The following GABRG3 variants were observed in gnomAD, a reference collection of about 807,000 sequenced individuals.
The protein encoded by GABRG3 is gamma-aminobutyric acid type A receptor subunit gamma3.
In GABRG3, 25 loss-of-function variants were observed where a neutral mutation model predicts 48.8. The ratio of observed to expected loss-of-function variants is 0.51; its 90% CI spans 0.37 to 0.72. The LOEUF (loss-of-function observed/expected upper bound fraction) is 0.72. Ranked by LOEUF, GABRG3 falls within the 30% of genes least tolerant of loss-of-function variation. The probability of loss-of-function intolerance (pLI) is 0.00; values close to 1 mark genes in which losing one functional copy is unlikely to be tolerated. For missense variants in GABRG3, 394 were observed against 577.9 expected (o/e 0.68, Z 3.26); for synonymous variants, 227 against 217.6 (o/e 1.04, Z -0.38).
chr15:27,467,684 C>T (rs2150838724), intron 5 of GABRG3, among the ~76,000 whole-genome samples: 1 of 152,290 alleles, frequency 6.6e-6, no homozygotes, highest in African/African-American at 2.4e-5. Flanking sequence ...GCAATGAAAC[C>T]TCATGTGCCA....
At chr15:27,173,324 T>A (rs58546196) in intron 3 of GABRG3, among the ~76,000 whole-genome samples, 11,028 of 152,216 alleles carry the variant, frequency 0.072, 806 homozygotes, top group African/African-American at 0.18. Flanking sequence ...AAAGAACTAT[T>A]GCATCCTAAC....
At chr15:27,291,892 G>A (rs1295992204) in intron 3 of GABRG3, among the ~76,000 whole-genome samples, 3 of 152,106 alleles carry the variant, frequency 2.0e-5, no homozygotes, top group African/African-American at 7.2e-5. Context: ...AGAGAGAAAG[G>A]GTATGGCGGT....
At chr15:27,306,037 A>G (rs1892404435) in intron 3 of GABRG3, among the ~76,000 whole-genome samples, 1 of 91,226 alleles carries the variant, frequency 1.1e-5, no homozygotes, top group African/African-American at 4.5e-5. Flanking sequence ...GTTTATATAT[A>G]AACATATATA....
chr15:27,277,878 A>G (rs1320238855), intron 3 of GABRG3, among the ~76,000 whole-genome samples: 2 of 152,316 alleles, frequency 1.3e-5, no homozygotes, highest in East Asian at 1.9e-4. Flanking sequence ...TTGAAAAAAT[A>G]GTACTGAAAG....
intron 5 of GABRG3, among the ~76,000 whole-genome samples, chr15:27,392,712 A>C (rs549044676): frequency 6.6e-6 from 1 of 152,322 alleles, no homozygotes; most frequent in Admixed American, 6.5e-5. Context: ...GAATTCTGAA[A>C]GGTAAATTTG....
chr15:27,467,350 G>GA (rs1172814229), intron 5 of GABRG3, among the ~76,000 whole-genome samples: 1 of 152,168 alleles, frequency 6.6e-6, no homozygotes, highest in Non-Finnish European at 1.5e-5. Context: ...TTGTGGGGGG[G>GA]ACACAGATGT....
intron 2 of GABRG3, among the ~76,000 whole-genome samples, chr15:27,025,004 G>C (rs1198395052): frequency 1.8e-5 from 2 of 112,738 alleles, no homozygotes; most frequent in East Asian, 5.5e-4. Context: ...CACCATGGGA[G>C]ACAAAGCAAG....
intron 3 of GABRG3, among the ~76,000 whole-genome samples, chr15:27,049,260 T>C (rs184760541): frequency 6.6e-6 from 1 of 152,366 alleles, no homozygotes; most frequent in Admixed American, 6.5e-5. Flanking sequence ...TGCTGATGTG[T>C]CTTTGCCTTC....
chr15:27,374,135 CTTCTT>C (rs1895506898), intron 5 of GABRG3, among the ~76,000 whole-genome samples: 1 of 116,720 alleles, frequency 8.6e-6, no homozygotes, highest in African/African-American at 3.4e-5. Context: ...CTTTTCTTTT[CTTCTT>C]TTTTTTTTTT....
rs756356210 is a variant in GABRG3 at position 27,179,932 on chromosome 15, G to T, written c.271-146877G>T. Among the ~76,000 whole-genome samples the T allele has an allele frequency of 6.6e-6, 1 of 152,126 alleles. No homozygotes were observed. Among genetic ancestry groups the T allele is most frequent in the Non-Finnish European group, 1.5e-5 (1 of 68,018 alleles). On this transcript the variant is annotated intron_variant, in intron 3 of 9. Transcript: ENST00000615808. The surrounding 1 kb of genome is among the most constrained non-coding windows in gnomAD (Gnocchi z 4.0). ...TTGTTCTCTTGATTCACAGTTCATC[G>T]CCTCCTAGATGAGGCTGGGCGTGGC...
intron 2 of GABRG3, among the ~76,000 whole-genome samples, chr15:27,017,106 G>C (rs1895793003): frequency 6.6e-6 from 1 of 151,742 alleles, no homozygotes; most frequent in Admixed American, 6.6e-5. Flanking sequence ...ATGCCTTTAG[G>C]GTTAGTTTCA....
intron 5 of GABRG3, among the ~76,000 whole-genome samples, chr15:27,383,860 G>C (rs1011085170): frequency 3.3e-5 from 5 of 152,148 alleles, no homozygotes; most frequent in Non-Finnish European, 4.4e-5. Context: ...ATAAAACAAA[G>C]TGTATGATAA....
At chr15:27,201,353 CGT>C (rs376315853) in intron 3 of GABRG3, among the ~76,000 whole-genome samples, 5 of 144,152 alleles carry the variant, frequency 3.5e-5, no homozygotes, top group Non-Finnish European at 6.1e-5. Context: ...GTGAGGGGTG[CGT>C]GTGTGTGTGT....
rs1488361244 is a variant in GABRG3, at chr15:27,307,408, TTTATATATAAACATATA to T, written c.271-19400_271-19384del. ...ATATATAACCATATAGGTTTATATA[TTTATATATAAACATATA>T]GGTTTATATATTTATATATAAACAT... On this transcript the variant is annotated intron_variant, in intron 3 of 9. Coordinates refer to ENST00000615808, the MANE Select transcript of GABRG3 (RefSeq NM_033223.5). Among the ~76,000 whole-genome samples the T allele has an allele frequency of 4.4e-4, 26 of 58,984 alleles. 6 individuals are homozygous for T. The highest frequency in any genetic ancestry group is 9.4e-4 in the Non-Finnish European group (19 of 20,280). 38.7% of individuals were successfully genotyped at this position (58,984 alleles called of 152,430 possible).
chr15:27,107,294 G>C (rs528135611), intron 3 of GABRG3, among the ~76,000 whole-genome samples: 56 of 152,086 alleles, frequency 3.7e-4, no homozygotes, highest in Non-Finnish European at 7.4e-4. Context: ...CAAGCGGCTT[G>C]TCTGCATCAG....
intron 5 of GABRG3, among the ~76,000 whole-genome samples, chr15:27,346,409 G>A (rs908202220): frequency 6.6e-6 from 1 of 152,024 alleles, no homozygotes; most frequent in Non-Finnish European, 1.5e-5. Flanking sequence ...TCTTTTAATT[G>A]CATTTTACAT....
chr15:27,397,644 A>G (rs968718985), intron 5 of GABRG3, among the ~76,000 whole-genome samples: 9 of 151,812 alleles, frequency 5.9e-5, no homozygotes, highest in African/African-American at 1.7e-4. Context: ...GTCCCTCACC[A>G]TTTCTAAACT....
chr15:27,020,735 G>A (rs1396969334), intron 2 of GABRG3, among the ~76,000 whole-genome samples: 9 of 152,012 alleles, frequency 5.9e-5, no homozygotes, highest in Admixed American at 3.9e-4. Flanking sequence ...TCTATCTCTC[G>A]CTTGTTTTTG....
intron 5 of GABRG3, among the ~76,000 whole-genome samples, chr15:27,386,257 G>T (rs113218982): frequency 6.6e-6 from 1 of 152,164 alleles, no homozygotes; most frequent in African/African-American, 2.4e-5. Flanking sequence ...TTTGTTTCCC[G>T]TCCTTTGCTG....
Sources: gnomAD v4.1 joint callset for allele counts (sites outside exome capture counted in the v4.1 genomes callset) on GRCh38, gnomAD v4.1.1 for gene constraint, Gnocchi (gnomAD v3.1) non-coding constraint, MANE v1.5 for transcripts, NCBI Gene and HGNC (gene_info 2026-07-23, HGNC 2026-07-21) for gene names.